The following KALRN variants were observed in gnomAD, a reference collection of about 807,000 sequenced individuals.
KALRN encodes kalirin.
Under a neutral mutation model 353.7 loss-of-function variants are expected in KALRN, and 70 were observed. That is an observed-to-expected ratio of 0.20 (90% CI 0.16 to 0.24). The LOEUF (loss-of-function observed/expected upper bound fraction) is 0.24. KALRN is among the 10% of genes least tolerant of loss of function. The pLI is 1.00. For missense variants in KALRN, 2,791 were observed against 3,756.7 expected (o/e 0.74, Z 6.72); for synonymous variants, 1,391 against 1,434.8 (o/e 0.97, Z 0.69).
At chr3:124,304,747 T>A (rs1385886001) in intron 6 of KALRN, among the ~76,000 whole-genome samples, 6 of 152,164 alleles carry the variant, frequency 3.9e-5, no homozygotes, top group African/African-American at 1.4e-4. Context: ...CCCAACTCAG[T>A]AAGTTTGAAA....
intron 43 of KALRN, 108 bp downstream of exon 43, chr3:124,659,565 A>G (rs10755078): frequency 0.19 from 141,119 of 759,264 alleles, 14,276 homozygotes; most frequent in Middle Eastern, 0.24. Flanking sequence ...ACACTGTCCC[A>G]AAGGACTGTG....
intron 29 of KALRN, among the ~76,000 whole-genome samples, chr3:124,489,097 A>G (rs1451758178): frequency 1.3e-5 from 2 of 152,220 alleles, no homozygotes; most frequent in African/African-American, 4.8e-5. Context: ...ACCTGAGGTC[A>G]GGAGTTCCAG....
At chr3:124,230,573 A>G (rs2079028625) in intron 2 of KALRN, among the ~76,000 whole-genome samples, 1 of 152,198 alleles carries the variant, frequency 6.6e-6, no homozygotes, top group Admixed American at 6.5e-5. Context: ...CATAGAAGCA[A>G]CGTGGCCAGG....
intron 1 of KALRN, among the ~76,000 whole-genome samples, chr3:124,104,397 G>A (rs543538181): frequency 6.6e-6 from 1 of 152,292 alleles, no homozygotes; most frequent in East Asian, 1.9e-4. Flanking sequence ...AGGATAAAAA[G>A]GAGAGAACAG....
In KALRN at chr3:124,482,907, C is replaced by G. The variant is rs937597056; in HGVS notation, c.4284+7C>G. The G allele has an allele frequency of 1.9e-6, 3 of 1,572,232 alleles. No individual in the cohort carries two copies. Among genetic ancestry groups the G allele is most frequent in the African/African-American group, 1.4e-5 (1 of 74,030 alleles). On this transcript the variant is annotated splice_region_variant and intron_variant, in intron 28 of 59. Coordinates refer to ENST00000682506, the MANE Select transcript of KALRN (RefSeq NM_001388419.1). The stretch of plus-strand genomic sequence containing the variant: ...ATATCAACTGCTCCTGAAGGTACCT[C>G]CCCTCCCCTCTACATCCCCCTCCAC...
intron 33 of KALRN, chr3:124,504,831 A>G: frequency 1.1e-5 from 5 of 472,458 alleles, no homozygotes; most frequent in South Asian, 7.7e-5. Flanking sequence ...ACCACAGCCC[A>G]ACTCAAATTG....
chr3:124,295,298 G>A (rs554985964), intron 5 of KALRN, among the ~76,000 whole-genome samples: 1 of 152,302 alleles, frequency 6.6e-6, no homozygotes, highest in South Asian at 2.1e-4. Flanking sequence ...TCCAGTGAAA[G>A]CTAAACTTTT....
At chr3:124,571,571 G>T (rs1439001791) in intron 34 of KALRN, among the ~76,000 whole-genome samples, 2 of 152,086 alleles carry the variant, frequency 1.3e-5, no homozygotes, top group African/African-American at 4.8e-5. Context: ...ATGTCTTCCT[G>T]AATTACCTCT....
At chr3:124,151,561 G>A (rs1010622358) in intron 1 of KALRN, among the ~76,000 whole-genome samples, 1 of 151,804 alleles carries the variant, frequency 6.6e-6, no homozygotes, top group Non-Finnish European at 1.5e-5. Flanking sequence ...TTTTCTTATT[G>A]AGTTGTAAGA....
At chr3:124,604,168 T>C (rs1453253981) in intron 34 of KALRN, among the ~76,000 whole-genome samples, 2 of 152,200 alleles carry the variant, frequency 1.3e-5, no homozygotes, top group African/African-American at 4.8e-5. Flanking sequence ...TTTATTATTA[T>C]ACTTTAAGTT....
chr3:124,445,822 T>C (rs914582549), intron 19 of KALRN, among the ~76,000 whole-genome samples: 2 of 152,214 alleles, frequency 1.3e-5, no homozygotes, highest in African/African-American at 4.8e-5. Context: ...TGGGGGCCAA[T>C]TGAATTAGTT....
At chr3:124,540,568 T>C (rs148412171) in intron 33 of KALRN, among the ~76,000 whole-genome samples, 75 of 152,234 alleles carry the variant, frequency 4.9e-4, no homozygotes, top group Non-Finnish European at 9.7e-4. Flanking sequence ...AGAGCTGGAG[T>C]GGACCTTGAA....
At chr3:124,300,851 G>C (rs1396627911) in intron 6 of KALRN, among the ~76,000 whole-genome samples, 1 of 152,188 alleles carries the variant, frequency 6.6e-6, no homozygotes, top group Non-Finnish European at 1.5e-5. Flanking sequence ...CTTCATCTCA[G>C]TGTAAAGACT....
Position 124,724,668 on chromosome 3 carries a change from T to C in KALRN, c.*5198T>C, listed in dbSNP as rs2150873925. The C allele has an allele frequency of 6.6e-6, 1 of 152,316 alleles. No individual in the cohort carries two copies. The highest frequency in any genetic ancestry group is 2.1e-4 in the South Asian group (1 of 4,820). The allele number at this position is 152,316 out of a possible 1,614,324, so 9.4% of individuals were successfully genotyped here. A position where few individuals can be genotyped will look rare whatever the true frequency, so the allele number is the denominator to read the frequency against. ...TGAAATTTGTTTATAGCACTAAATG[T>C]TTTTAATAGGAAATTTACTCACATA... On this transcript the variant is annotated 3_prime_UTR_variant, in exon 60 of 60. Coordinates refer to ENST00000682506, the MANE Select transcript of KALRN (RefSeq NM_001388419.1).
chr3:124,118,579 T>C (rs1012489420), intron 1 of KALRN, among the ~76,000 whole-genome samples: 4 of 152,316 alleles, frequency 2.6e-5, no homozygotes, highest in Non-Finnish European at 5.9e-5. Flanking sequence ...GCTCTGGAGA[T>C]TCCTAAGACT....
intron 58 of KALRN, among the ~76,000 whole-genome samples, chr3:124,714,148 G>A (rs1349373161): frequency 6.6e-6 from 1 of 151,478 alleles, no homozygotes; most frequent in South Asian, 2.1e-4. Flanking sequence ...TAAACTTTAT[G>A]TAGTTAAGTA....
chr3:124,227,575 T>C (rs558494105), intron 1 of KALRN, among the ~76,000 whole-genome samples: 12 of 151,966 alleles, frequency 7.9e-5, no homozygotes, highest in Non-Finnish European at 4.4e-5. Context: ...GTGCTGAGTA[T>C]GTTCAAGACA....
At chr3:124,441,634 G>A (rs538810872) in intron 18 of KALRN, among the ~76,000 whole-genome samples, 1 of 152,226 alleles carries the variant, frequency 6.6e-6, no homozygotes, top group Admixed American at 6.5e-5. Context: ...AGACCAGCCT[G>A]GGCAACATAG....
chr3:124,556,949 T>G (rs2071339310), intron 33 of KALRN, among the ~76,000 whole-genome samples: 1 of 152,272 alleles, frequency 6.6e-6, no homozygotes, highest in Admixed American at 6.5e-5. Context: ...AAAAAATTTT[T>G]TACTTTATAT....
Sources: allele counts gnomAD v4.1 joint callset (sites outside exome capture counted in the v4.1 genomes callset), GRCh38; gene constraint gnomAD v4.1.1; transcripts MANE v1.5; gene names NCBI Gene and HGNC (gene_info 2026-07-23, HGNC 2026-07-21).